PHACTR1: variants seen among roughly 807,000 people sequenced by gnomAD.
The protein encoded by PHACTR1 is RPEL repeat containing 1.
A neutral mutation model predicts 69.2 loss-of-function variants in PHACTR1; 16 were observed. The observed-to-expected ratio is 0.23, with a 90% CI of 0.16 to 0.35. The LOEUF (loss-of-function observed/expected upper bound fraction) is 0.35. Ranked by LOEUF, PHACTR1 falls within the 10% of genes least tolerant of loss-of-function variation. PHACTR1 has a pLI of 1.00. For synonymous variants in PHACTR1, 312 were observed against 284.5 expected (o/e 1.10, Z -0.97); for missense variants, 510 against 734.7 (o/e 0.69, Z 3.54).
Position 12,732,126 on chromosome 6 carries a change from C to T in PHACTR1, c.103+13279C>T, listed in dbSNP as rs1234004628. 4.0e-5 allele frequency among the ~76,000 whole-genome samples: 6 copies of T among 151,778 alleles called. No individual in the cohort carries two copies. The East Asian group carries it at 5.8e-4, about 15-fold the overall frequency. On this transcript the variant is annotated intron_variant, in intron 3 of 14. Coordinates refer to ENST00000332995, the MANE Select transcript of PHACTR1 (RefSeq NM_030948.6). Reference sequence around the variant, plus strand: ...CCCGAGTCTCCACGGGAGTGTCTTACGATACACATAACTTGTTTTTCCCTC... The same window carrying T: ...CCCGAGTCTCCACGGGAGTGTCTTATGATACACATAACTTGTTTTTCCCTC...
chr6:13,181,490 C>G (rs565583222), intron 6 of PHACTR1, among the ~76,000 whole-genome samples: 88 of 152,262 alleles, frequency 5.8e-4, no homozygotes, highest in African/African-American at 2.0e-3. Flanking sequence ...ACTTTAATGT[C>G]TAGTTATCTA....
chr6:13,272,806 G>T lies in PHACTR1; in HGVS notation c.1392-54G>T. 3 of 1,613,994 alleles carry T rather than the reference G, an allele frequency of 1.9e-6. No individual in the cohort carries two copies. In the South Asian group the frequency reaches 3.3e-5, roughly 18 times the overall value. On this transcript the variant is annotated intron_variant, in intron 10 of 14. Coordinates refer to ENST00000332995, the MANE Select transcript of PHACTR1 (RefSeq NM_030948.6). ...ATCTGCAAGGGCCGAGGAAATTAAT[G>T]ACCCAAGGAGGCTATGATATGGTCC...
chr6:13,141,421 A>T (rs1822414082), intron 5 of PHACTR1, among the ~76,000 whole-genome samples: 1 of 152,242 alleles, frequency 6.6e-6, no homozygotes, highest in African/African-American at 2.4e-5. Context: ...TTTATTTGTG[A>T]ATTAAGGATT....
chr6:13,027,049 G>A (rs893562252), intron 4 of PHACTR1, among the ~76,000 whole-genome samples: 3 of 152,152 alleles, frequency 2.0e-5, no homozygotes, highest in Non-Finnish European at 1.5e-5. Context: ...AAATCCATAG[G>A]TATCACAGAA....
intron 5 of PHACTR1, among the ~76,000 whole-genome samples, chr6:13,135,478 A>G (rs1821406705): frequency 6.6e-6 from 1 of 152,236 alleles, no homozygotes; most frequent in Admixed American, 6.5e-5. Context: ...AATCAAAGGC[A>G]TTTGCCAAGT....
intron 4 of PHACTR1, among the ~76,000 whole-genome samples, chr6:12,937,270 C>CCA (rs1481087158): frequency 2.0e-5 from 3 of 152,152 alleles, no homozygotes; most frequent in African/African-American, 7.2e-5. Flanking sequence ...ATGGCCACAA[C>CCA]CACACTGCCA....
At chr6:13,025,670 T>TG (rs1379229705) in intron 4 of PHACTR1, among the ~76,000 whole-genome samples, 2 of 142,008 alleles carry the variant, frequency 1.4e-5, no homozygotes, top group East Asian at 2.0e-4. Context: ...TCATATATTA[T>TG]TTGTGTGTGT....
Position 13,053,459 on chromosome 6 carries a change from C to A in PHACTR1, c.345C>A (p.Asn115Lys). The change falls in exon 5 of 15, where the codon AAC (asparagine) becomes AAA (lysine). Residue 115 changes from asparagine to lysine, a missense_variant. Asn to Lys is a moderately conservative substitution (Grantham distance 94). Around this residue, in one of 2 missense-constraint regions of PHACTR1, gnomAD observed 419 missense variants for 530.9 expected, o/e 0.79. Transcript: ENST00000332995. ...TCCGCAGGAGAAGTAAGTTTGCCAACCTGGGAAGGATTTTCAAGCCTTGGA... is the reference window on the plus strand; with the variant it reads ...TCCGCAGGAGAAGTAAGTTTGCCAAACTGGGAAGGATTTTCAAGCCTTGGA... ...PPIRRRSKFANLGRIFKPWKW... is the reference protein window; with the variant it reads ...PPIRRRSKFAKLGRIFKPWKW... 1.2e-6 allele frequency: 2 copies of A among 1,613,830 alleles called. No homozygotes were observed. The highest frequency in any genetic ancestry group is 1.7e-6 in the Non-Finnish European group (2 of 1,179,830).
At chr6:12,793,383 G>A (rs989145928) in intron 4 of PHACTR1, among the ~76,000 whole-genome samples, 16 of 152,186 alleles carry the variant, frequency 1.1e-4, no homozygotes, top group African/African-American at 3.9e-4. Flanking sequence ...CAAGGAACAA[G>A]TCTTAACTGA....
intron 4 of PHACTR1, among the ~76,000 whole-genome samples, chr6:13,046,256 C>T (rs1028411412): frequency 1.3e-5 from 2 of 152,122 alleles, no homozygotes; most frequent in African/African-American, 2.4e-5. Flanking sequence ...TGAGGAGCAC[C>T]AGAGCTCCCT....
chr6:12,932,765 C>G (rs1339314257), intron 4 of PHACTR1, among the ~76,000 whole-genome samples: 1 of 152,112 alleles, frequency 6.6e-6, no homozygotes, highest in Non-Finnish European at 1.5e-5. Context: ...GAAGTAGAAG[C>G]TGCTACTTTA....
intron 4 of PHACTR1, chr6:12,958,096 T>C: frequency 1.1e-6 from 1 of 882,170 alleles, no homozygotes; most frequent in African/African-American, 1.8e-5. Context: ...AGATGGATTT[T>C]GTATTGGTTT....
At chr6:12,885,605 C>T (rs1469662449) in intron 4 of PHACTR1, among the ~76,000 whole-genome samples, 1 of 152,208 alleles carries the variant, frequency 6.6e-6, no homozygotes, top group Non-Finnish European at 1.5e-5. Flanking sequence ...TTTAATGAAC[C>T]ATTTCACCAG....
At chr6:12,867,942 G>A (rs1781623703) in intron 4 of PHACTR1, among the ~76,000 whole-genome samples, 1 of 152,066 alleles carries the variant, frequency 6.6e-6, no homozygotes, top group Admixed American at 6.5e-5. Context: ...CCAATCCATA[G>A]ATATATTTGC....
chr6:13,238,971 G>A (rs1772415428), intron 10 of PHACTR1, among the ~76,000 whole-genome samples: 1 of 152,200 alleles, frequency 6.6e-6, no homozygotes, highest in Non-Finnish European at 1.5e-5. Context: ...ATGCTTGTAG[G>A]CCTAGCCCTT....
chr6:12,871,489 T>C (rs1018745279), intron 4 of PHACTR1, among the ~76,000 whole-genome samples: 2 of 152,184 alleles, frequency 1.3e-5, no homozygotes, highest in Admixed American at 6.5e-5. Flanking sequence ...TTATGGAAAA[T>C]GGATCCTTTA....
At chr6:13,221,738 G>T (rs934998100) in intron 8 of PHACTR1, among the ~76,000 whole-genome samples, 5 of 152,192 alleles carry the variant, frequency 3.3e-5, no homozygotes, top group African/African-American at 1.2e-4. Flanking sequence ...TAATAATCCA[G>T]TTAGAATGAA....
At chr6:13,159,935 G>A (rs111855278) in intron 5 of PHACTR1, among the ~76,000 whole-genome samples, 7,612 of 151,670 alleles carry the variant, frequency 0.05, 427 homozygotes, top group African/African-American at 0.14. Flanking sequence ...GTGAGACTCT[G>A]TCTCAGAAAA....
chr6:12,723,583 A>G (rs1242020031), intron 3 of PHACTR1, among the ~76,000 whole-genome samples: 1 of 151,442 alleles, frequency 6.6e-6, no homozygotes, highest in Admixed American at 6.6e-5. Flanking sequence ...GCAGCCTCAA[A>G]CGCCTGGGCT....
Sources: allele counts gnomAD v4.1 joint callset (sites outside exome capture counted in the v4.1 genomes callset), GRCh38; gene constraint gnomAD v4.1.1; regional missense constraint gnomAD v4.1.1; transcripts MANE v1.5; gene names NCBI Gene and HGNC (gene_info 2026-07-23, HGNC 2026-07-21).